Variants in GNE observed in about 807,000 individuals in gnomAD.
The protein encoded by GNE is glucosamine (UDP-N-acetyl)-2-epimerase/N-acetylmannosamine kinase.
In GNE, 41 loss-of-function variants were observed where a neutral mutation model predicts 61.8. That is an observed-to-expected ratio of 0.66 (90% confidence interval 0.52 to 0.86). The LOEUF is 0.86. Among genes scored for constraint, GNE ranks in the 40% least tolerant of loss-of-function variants. GNE has a pLI of 0.00. For synonymous variants in GNE, 264 were observed against 326.4 expected, an observed-to-expected ratio of 0.81 and a Z score of 2.06; for missense variants, 608 against 909.1, an observed-to-expected ratio of 0.67 and a Z score of 4.26.
intron 3 of GNE, among the ~76,000 whole-genome samples, chr9:36,239,548 C>T (rs1423413445): frequency 1.3e-5 from 2 of 151,986 alleles, no homozygotes; most frequent in African/African-American, 2.4e-5. Context: ...TCTCGGCTCA[C>T]TGCAACTTCC....
chr9:36,254,155 A>C (rs1395995475), intron 1 of GNE, among the ~76,000 whole-genome samples: 1 of 152,048 alleles, frequency 6.6e-6, no homozygotes, highest in African/African-American at 2.4e-5. Flanking sequence ...CAGTGAGCTG[A>C]GATCGCACCA....
At chr9:36,239,336 G>A (rs72731421) in intron 3 of GNE, among the ~76,000 whole-genome samples, 1 of 152,130 alleles carries the variant, frequency 6.6e-6, no homozygotes, top group Non-Finnish European at 1.5e-5. Context: ...GGTCATTCTC[G>A]CAATATCAAC....
At position 36,233,211 on chromosome 9, in the gene GNE, C is replaced by T. The variant is rs1563937769; in HGVS notation, c.982+709G>A. ...AGTTAGCAAATTCATTAATAATAATCCTACTTATACTTAAGGGGCACTTTA... is the reference window on the plus strand; with the variant it reads ...AGTTAGCAAATTCATTAATAATAATTCTACTTATACTTAAGGGGCACTTTA... On this transcript the variant is annotated intron_variant, in intron 5 of 11. Coordinates refer to ENST00000642385, the MANE Select transcript of GNE (RefSeq NM_005476.7). Among the ~76,000 whole-genome samples, 6 of 152,284 alleles carry T rather than the reference C, an allele frequency of 3.9e-5. No individual in the cohort carries two copies. In the South Asian group the frequency reaches 1.2e-3, roughly 32 times the overall value.
intron 1 of GNE, among the ~76,000 whole-genome samples, chr9:36,264,349 G>A (rs910587767): frequency 1.3e-5 from 2 of 151,952 alleles, no homozygotes; most frequent in African/African-American, 4.8e-5. Context: ...TTGCCAGGAT[G>A]GTCTCCAACT....
chr9:36,247,254 A>G (rs971964447), intron 2 of GNE, among the ~76,000 whole-genome samples: 1 of 151,454 alleles, frequency 6.6e-6, no homozygotes, highest in East Asian at 2.0e-4. Context: ...ACAGGGTTTC[A>G]CCATGTTGGC....
At chr9:36,266,366 T>C (rs1205617176) in intron 1 of GNE, among the ~76,000 whole-genome samples, 2 of 152,334 alleles carry the variant, frequency 1.3e-5, no homozygotes, top group African/African-American at 4.8e-5. Flanking sequence ...CGCCAGATTG[T>C]TTATAGCCTC....
intron 1 of GNE, among the ~76,000 whole-genome samples, chr9:36,251,396 T>C (rs990769168): frequency 6.6e-6 from 1 of 152,154 alleles, no homozygotes; most frequent in Non-Finnish European, 1.5e-5. Context: ...AGAGATTTGT[T>C]TTATGGAATT....
intron 1 of GNE, among the ~76,000 whole-genome samples, chr9:36,257,504 C>A (rs1027668111): frequency 2.0e-5 from 3 of 151,688 alleles, no homozygotes; most frequent in Non-Finnish European, 2.9e-5. Flanking sequence ...ATTTTACAAG[C>A]GTAAAACTGG....
chr9:36,246,120 T>A lies in GNE; in HGVS notation c.527A>T (p.Asp176Val), dbSNP rs139425890. The change falls in exon 3 of 12, where the codon GAT becomes GTT. Residue 176 changes from aspartate to valine, a missense_variant. By Grantham distance (152) the Asp-to-Val change is radical. Coordinates refer to ENST00000642385, the MANE Select transcript of GNE (RefSeq NM_005476.7). ...QHLISMCEDH[D>V]RILLAGCPSY... ...AGGGCAGCCTGCCAAAAGGATGCGA[T>A]CATGGTCCTCACACATGGATATCAG... The A allele has an allele frequency of 4.9e-5, 79 of 1,614,228 alleles. No homozygotes were observed. In the East Asian group the frequency reaches 1.6e-3, roughly 33 times the overall value.
At position 36,216,353 on chromosome 9, in the gene GNE, G is replaced by T; in HGVS notation, c.*1012C>A. ...TGTGTGTGTGTGTGTGTGTGTGTGT[G>T]TAGACGGAGTCTCGCTCTGTCACCC... On this transcript the variant is annotated 3_prime_UTR_variant, in exon 12 of 12. Coordinates refer to ENST00000642385, the MANE Select transcript of GNE (RefSeq NM_005476.7). The T allele has an allele frequency of 2.4e-6, 1 of 412,904 alleles. No individual in the cohort carries two copies. Among genetic ancestry groups the T allele is most frequent in the Non-Finnish European group, 5.1e-6 (1 of 197,436 alleles). The allele number at this position is 412,904 out of a possible 1,614,324, so 25.6% of individuals were successfully genotyped here.
chr9:36,228,813 A>G (rs1231078394), intron 6 of GNE, among the ~76,000 whole-genome samples: 1 of 149,058 alleles, frequency 6.7e-6, no homozygotes, highest in African/African-American at 2.5e-5. Flanking sequence ...AAAAAAAAAA[A>G]GAAATAAAAT....
chr9:36,218,285 C>T lies in GNE; in HGVS notation c.1831G>A (p.Val611Met), dbSNP rs2132997717. Residue 611 changes from valine to methionine, a missense_variant, in exon 11 of 12, where the codon GTG becomes ATG. Transcript: ENST00000642385. The surrounding 1 kb of genome is among the most constrained non-coding windows in gnomAD (Gnocchi z 4.1). Reference sequence around the variant, plus strand: ...TCTTTTGGCACTGACATCCCTTCCACCAAGAGCAGGTCCTCTGAACAGAGT... The same window carrying T: ...TCTTTTGGCACTGACATCCCTTCCATCAAGAGCAGGTCCTCTGAACAGAGT... ...KKLHDEDLLLVEGMSVPKDEA... is the reference protein window; with the variant it reads ...KKLHDEDLLLMEGMSVPKDEA... The T allele has an allele frequency of 6.2e-7, 1 of 1,613,570 alleles. No individual in the cohort carries two copies. Among genetic ancestry groups the T allele is most frequent in the Non-Finnish European group, 8.5e-7 (1 of 1,179,490 alleles).
intron 7 of GNE, among the ~76,000 whole-genome samples, chr9:36,224,080 G>A (rs1281197879): frequency 6.6e-6 from 1 of 151,644 alleles, no homozygotes; most frequent in Non-Finnish European, 1.5e-5. Flanking sequence ...TAAGTTCAAT[G>A]TTCGCTAATT....
intron 7 of GNE, among the ~76,000 whole-genome samples, chr9:36,224,722 T>G (rs183939457): frequency 9.0e-4 from 137 of 152,032 alleles, no homozygotes; most frequent in African/African-American, 3.0e-3. Context: ...ATACAAAAAT[T>G]AGCTGGGCGT....
chr9:36,241,161 G>C (rs1829615796), intron 3 of GNE, among the ~76,000 whole-genome samples: 1 of 151,380 alleles, frequency 6.6e-6, no homozygotes, highest in African/African-American at 2.4e-5. Context: ...TGTCGCCCAG[G>C]TTGGAGTGCA....
intron 1 of GNE, among the ~76,000 whole-genome samples, chr9:36,251,771 A>G (rs2133135402): frequency 6.6e-6 from 1 of 152,254 alleles, no homozygotes; most frequent in South Asian, 2.1e-4. Flanking sequence ...TCTGAAATTC[A>G]CTGGAAATTC....
At chr9:36,237,765 G>A (rs1317914908) in intron 3 of GNE, among the ~76,000 whole-genome samples, 1 of 151,964 alleles carries the variant, frequency 6.6e-6, no homozygotes, top group South Asian at 2.1e-4. Flanking sequence ...CCCATCACCT[G>A]AGCAGTATAC....
chr9:36,222,764 CT>C lies in GNE; in HGVS notation c.1633+12del, dbSNP rs1320280784. On this transcript the variant is annotated intron_variant, in intron 9 of 11. Coordinates refer to ENST00000642385, the MANE Select transcript of GNE (RefSeq NM_005476.7). ...TTCTAGCTCCTGAACCAACCTCCCCCTACCCCTCTTACCTGTGCCTGTGATA... is the reference window on the plus strand; with the variant it reads ...TTCTAGCTCCTGAACCAACCTCCCCCACCCCTCTTACCTGTGCCTGTGATA... The C allele has an allele frequency of 2.5e-6, 4 of 1,570,494 alleles. No individual in the cohort carries two copies. Among genetic ancestry groups the C allele is most frequent in the Non-Finnish European group, 3.5e-6 (4 of 1,140,428 alleles).
upstream of GNE, among the ~76,000 whole-genome samples, chr9:36,261,460 G>A (rs1247639935): frequency 1.3e-5 from 2 of 151,932 alleles, no homozygotes; most frequent in African/African-American, 4.8e-5. Context: ...GGCCGAGGCA[G>A]GAGAATAAAT....
Sources: allele counts gnomAD v4.1 joint callset (sites outside exome capture counted in the v4.1 genomes callset), GRCh38; gene constraint gnomAD v4.1.1; non-coding constraint Gnocchi (gnomAD v3.1); transcripts MANE v1.5; gene names NCBI Gene and HGNC (gene_info 2026-07-23, HGNC 2026-07-21).